LAMA1: variants seen among roughly 807,000 people sequenced by gnomAD.
The protein encoded by LAMA1 is laminin subunit alpha 1, also known as laminin subunit alpha-1.
LAMA1 carries 219 observed loss-of-function variants against 348.7 expected under a neutral mutation model. The ratio of observed to expected loss-of-function variants is 0.63; its 90% CI spans 0.56 to 0.70. The LOEUF is 0.70. LAMA1 is among the 30% of genes least tolerant of loss of function. LAMA1 has a pLI of 0.00. For synonymous variants in LAMA1, 1,487 were observed against 1,491.0 expected (o/e 1.00, Z 0.06); for missense variants, 3,744 against 3,888.0 (o/e 0.96, Z 0.99).
In LAMA1 at chr18:7,081,074, G is replaced by A. The variant is rs138152648; in HGVS notation, c.62-617C>T. Among the ~76,000 whole-genome samples the A allele has an allele frequency of 7.5e-3, 1,137 of 152,012 alleles. 12 individuals carry two copies. The highest frequency in any genetic ancestry group is 0.026 in the African/African-American group (1,075 of 41,488). ...GAAAAGGGAATGCTTATATACTGTCGGTGGGAGTGTAAATCAGTTCAGCCG... is the reference window on the plus strand; with the variant it reads ...GAAAAGGGAATGCTTATATACTGTCAGTGGGAGTGTAAATCAGTTCAGCCG... On this transcript the variant is annotated intron_variant, in intron 1 of 62. Coordinates refer to ENST00000389658, the MANE Select transcript of LAMA1 (RefSeq NM_005559.4).
intron 1 of LAMA1, among the ~76,000 whole-genome samples, chr18:7,107,838 C>T (rs1006702378): frequency 6.6e-6 from 1 of 150,796 alleles, no homozygotes. Context: ...CATGGTGAAA[C>T]CCCGTCTCTA....
In LAMA1 at chr18:6,958,477, T is replaced by C. The variant is rs541432153; in HGVS notation, c.7964A>G (p.Glu2655Gly). 1 of 1,614,016 alleles carries C rather than the reference T, an allele frequency of 6.2e-7. No individual in the cohort carries two copies. Among genetic ancestry groups the C allele is most frequent in the African/African-American group, 1.3e-5 (1 of 74,920 alleles). ...ACATGCAGAGAGCAGGTACACTTAC[T>C]CCAAATTGAAGATCAGGTTTTTGAT... ...GCIKNLIFNL[E>G]LLDFNSAVGH... Residue 2655 changes from glutamate to glycine, a missense_variant and splice_region_variant, in exon 55 of 63, where the codon GAA becomes GGA. This residue lies in a region of LAMA1 where 1,983 missense variants were observed against 1,934.3 expected (regional missense o/e 1.03). Transcript: ENST00000389658.
In LAMA1 at chr18:7,008,515, A is replaced by G. The variant is rs774865330; in HGVS notation, c.4095T>C (p.Pro1365=). 5.6e-6 allele frequency: 9 copies of G among 1,614,000 alleles called. No individual in the cohort carries two copies. The African/African-American group carries it at 6.7e-5, about 12-fold the overall frequency. The stretch of plus-strand genomic sequence containing the variant: ...GACATGAGAATCCCACAGTGCCAGG[A>G]GGACAGACACAATTCTCTAAAAGAG... ...VASLLENCVC[P]PGTVGFSCQD... The change falls in exon 28 of 63, where the codon CCT becomes CCC. Residue 1365 remains proline (P), a synonymous_variant. Coordinates refer to ENST00000389658, the MANE Select transcript of LAMA1 (RefSeq NM_005559.4).
At chr18:7,075,680 G>A (rs1341969246) in intron 3 of LAMA1, among the ~76,000 whole-genome samples, 1 of 152,104 alleles carries the variant, frequency 6.6e-6, no homozygotes, top group Non-Finnish European at 1.5e-5. Context: ...GCTTACGCCG[G>A]TAATTCCAGC....
chr18:6,975,992 T>G lies in LAMA1; in HGVS notation c.6434A>C (p.Asn2145Thr). 6.2e-7 allele frequency: 1 copy of G among 1,613,422 alleles called. No homozygotes were observed. Among genetic ancestry groups the G allele is most frequent in the Non-Finnish European group, 8.5e-7 (1 of 1,179,326 alleles). The change falls in exon 45 of 63, where the codon AAT (asparagine) becomes ACT (threonine). Residue 2145 changes from asparagine to threonine, a missense_variant. Physicochemically the swap from Asn to Thr is moderately conservative, Grantham distance 65. Transcript: ENST00000389658. ...ATTATCGGGTTCCTGTGTCTTAACA[T>G]TTAGTGTTAAGGTATTGTAGTTGGT... Reference protein sequence around the residue: ...SSTNYNTLTLNVKTQEPDNLL... With the variant: ...SSTNYNTLTLTVKTQEPDNLL...
rs1465369359 is a variant in LAMA1, at chr18:6,956,866, C to G, written c.7965-101G>C. ...TGTACAATGAAAATCAATTAAAAAC[C>G]ATGTATATATTTCTCTTAGAGTAAC... On this transcript the variant is annotated intron_variant, in intron 55 of 62. Coordinates refer to ENST00000389658, the MANE Select transcript of LAMA1 (RefSeq NM_005559.4). 7.5e-6 allele frequency: 10 copies of G among 1,332,084 alleles called. No individual in the cohort carries two copies. The East Asian group carries it at 1.9e-4, about 25-fold the overall frequency. 82.5% of individuals were successfully genotyped at this position (1,332,084 alleles called of 1,614,324 possible).
At chr18:7,025,449 G>A (rs566168083) in intron 17 of LAMA1, among the ~76,000 whole-genome samples, 30 of 152,280 alleles carry the variant, frequency 2.0e-4, no homozygotes, top group African/African-American at 5.1e-4. Context: ...CTACAGTCAC[G>A]ACCACACTGA....
intron 36 of LAMA1, among the ~76,000 whole-genome samples, chr18:6,989,103 G>A (rs1328595194): frequency 6.6e-6 from 1 of 152,164 alleles, no homozygotes; most frequent in Non-Finnish European, 1.5e-5. Flanking sequence ...GGCAGAGGGT[G>A]CCTACCAGTA....
chr18:7,105,148 A>G (rs565983372), intron 1 of LAMA1, among the ~76,000 whole-genome samples: 2 of 152,284 alleles, frequency 1.3e-5, no homozygotes. Context: ...ATTATTAAAG[A>G]TAAGAGCAGA....
At chr18:7,009,683 GA>G (rs919114309) in intron 26 of LAMA1, among the ~76,000 whole-genome samples, 2 of 152,162 alleles carry the variant, frequency 1.3e-5, no homozygotes, top group African/African-American at 4.8e-5. Context: ...TATGCAGGTT[GA>G]AAATAGTACG....
At position 7,054,025 on chromosome 18, in the gene LAMA1, C is replaced by T. The variant is rs181564359; in HGVS notation, c.346-3089G>A. Among the ~76,000 whole-genome samples, 7 of 152,228 alleles carry T rather than the reference C, an allele frequency of 4.6e-5. No individual in the cohort carries two copies. The East Asian group carries it at 7.7e-4, about 17-fold the overall frequency. ...GGCTCAAGTGGTCTGCCCACCTTGA[C>T]CTCCCAAAGTGCTTGGATTACAGCC... is the stretch of plus-strand genomic sequence containing the variant. On this transcript the variant is annotated intron_variant, in intron 3 of 62. Coordinates refer to ENST00000389658, the MANE Select transcript of LAMA1 (RefSeq NM_005559.4).
intron 51 of LAMA1, among the ~76,000 whole-genome samples, chr18:6,964,351 G>C (rs2057622745): frequency 6.6e-6 from 1 of 152,172 alleles, no homozygotes; most frequent in Non-Finnish European, 1.5e-5. Flanking sequence ...GTTAGGATGA[G>C]GTCATTAGGG....
At chr18:7,022,679 G>T (rs1272499947) in intron 19 of LAMA1, among the ~76,000 whole-genome samples, 2 of 152,194 alleles carry the variant, frequency 1.3e-5, no homozygotes, top group African/African-American at 2.4e-5. Context: ...GAATTCAGCA[G>T]AGTGCCATAG....
chr18:7,078,380 A>T (rs1219182117), intron 3 of LAMA1, among the ~76,000 whole-genome samples: 1 of 151,312 alleles, frequency 6.6e-6, no homozygotes, highest in South Asian at 2.1e-4. Flanking sequence ...GTTAGCCAGG[A>T]TGGTCTCGAT....
chr18:7,081,167 C>CA (rs1057213137), intron 1 of LAMA1, among the ~76,000 whole-genome samples: 32 of 150,524 alleles, frequency 2.1e-4, no homozygotes, highest in Non-Finnish European at 3.4e-4. Context: ...AAAACAACAA[C>CA]AAAAAAAAAC....
At chr18:7,088,511 A>T (rs2058226708) in intron 1 of LAMA1, among the ~76,000 whole-genome samples, 1 of 151,750 alleles carries the variant, frequency 6.6e-6, no homozygotes, top group South Asian at 2.1e-4. Flanking sequence ...AAAATTATTT[A>T]TTATTATTAT....
intron 3 of LAMA1, among the ~76,000 whole-genome samples, chr18:7,068,594 C>G (rs1399862708): frequency 6.6e-6 from 1 of 152,106 alleles, no homozygotes; most frequent in South Asian, 2.1e-4. Context: ...TAAAAACTTT[C>G]TGCTATTATC....
intron 22 of LAMA1, 134 bp downstream of exon 22, chr18:7,015,588 G>GTTTTTT: frequency 8.7e-6 from 8 of 917,344 alleles, no homozygotes; most frequent in South Asian, 1.5e-5. Context: ...CCCACATTGA[G>GTTTTTT]TTTTTTTTTT....
chr18:7,115,042 G>T (rs2058350266), intron 1 of LAMA1, among the ~76,000 whole-genome samples: 1 of 152,192 alleles, frequency 6.6e-6, no homozygotes, highest in Non-Finnish European at 1.5e-5. Flanking sequence ...TAAAGTCCAG[G>T]CTATGTAGGA....
Sources: allele counts gnomAD v4.1 joint callset (sites outside exome capture counted in the v4.1 genomes callset), GRCh38; gene constraint gnomAD v4.1.1; regional missense constraint gnomAD v4.1.1; transcripts MANE v1.5; gene names NCBI Gene and HGNC (gene_info 2026-07-23, HGNC 2026-07-21).